Variants in ANO6 observed in about 807,000 individuals in gnomAD.
ANO6 encodes the protein anoctamin-6.
ANO6 carries 106 observed loss-of-function variants against 117.5 expected under a neutral mutation model. That is an observed-to-expected ratio of 0.90 (90% CI 0.77 to 1.06). The LOEUF is 1.06. Among genes scored for constraint, ANO6 ranks in the 50% least tolerant of loss-of-function variants. ANO6 has a pLI of 0.00. For missense variants in ANO6, 955 were observed against 1,121.1 expected, an observed-to-expected ratio of 0.85 and a Z score of 2.12; for synonymous variants, 367 against 385.1, an observed-to-expected ratio of 0.95 and a Z score of 0.55.
intron 2 of ANO6, among the ~76,000 whole-genome samples, chr12:45,329,286 A>G (rs1426579684): frequency 6.6e-6 from 1 of 152,144 alleles, no homozygotes; most frequent in Non-Finnish European, 1.5e-5. Flanking sequence ...ATGTGGTAGA[A>G]TGTCTTCTGC....
intron 10 of ANO6, among the ~76,000 whole-genome samples, chr12:45,382,713 T>A (rs1942198700): frequency 6.6e-6 from 1 of 152,210 alleles, no homozygotes; most frequent in Non-Finnish European, 1.5e-5. Flanking sequence ...ATATAAAAGT[T>A]ATGGTTATAC....
intron 3 of ANO6, among the ~76,000 whole-genome samples, chr12:45,339,389 T>G (rs1261682625): frequency 1.3e-5 from 2 of 152,166 alleles, no homozygotes; most frequent in Non-Finnish European, 2.9e-5. Context: ...TATTGTACAC[T>G]TAATTAATAG....
intron 1 of ANO6, among the ~76,000 whole-genome samples, chr12:45,258,136 C>G (rs1242849751): frequency 6.6e-6 from 1 of 152,160 alleles, no homozygotes; most frequent in Non-Finnish European, 1.5e-5. Context: ...GTGTTGGACA[C>G]CCTTCCCCCA....
intron 3 of ANO6, among the ~76,000 whole-genome samples, chr12:45,341,504 G>A (rs1329819171): frequency 6.6e-6 from 1 of 152,194 alleles, no homozygotes; most frequent in Non-Finnish European, 1.5e-5. Context: ...ATTCATATGT[G>A]CTATACATTC....
chr12:45,217,603 A>G (rs1292742761), intron 1 of ANO6, among the ~76,000 whole-genome samples: 1 of 152,260 alleles, frequency 6.6e-6, no homozygotes, highest in Non-Finnish European at 1.5e-5. Context: ...AGCAAATAGT[A>G]GTAGTTTTTA....
intron 1 of ANO6, among the ~76,000 whole-genome samples, chr12:45,283,413 C>T (rs1432793268): frequency 2.0e-5 from 3 of 152,190 alleles, no homozygotes. Context: ...TATGCCACCT[C>T]TCCCATGAGG....
At chr12:45,427,936 CAAAAAAAAAA>C (rs35996135) in intron 19 of ANO6, among the ~76,000 whole-genome samples, 2 of 62,968 alleles carry the variant, frequency 3.2e-5, no homozygotes, top group South Asian at 5.8e-4. Context: ...GACTCTGCCT[CAAAAAAAAAA>C]AAAAAAAAAA....
intron 2 of ANO6, among the ~76,000 whole-genome samples, chr12:45,317,114 T>TGTGTGTGTATATAC (rs1427996611): frequency 1.4e-4 from 2 of 14,428 alleles, no homozygotes; most frequent in Non-Finnish European, 3.0e-4. Context: ...TTTTTATATG[T>TGTGTGTGTATATAC]ATATATATAT....
At chr12:45,229,013 T>C (rs183602590) in intron 1 of ANO6, among the ~76,000 whole-genome samples, 1 of 152,152 alleles carries the variant, frequency 6.6e-6, no homozygotes, top group Non-Finnish European at 1.5e-5. Flanking sequence ...GACTAGGCCA[T>C]GTACTGGAGC....
At chr12:45,322,759 A>T (rs1241891160) in intron 2 of ANO6, among the ~76,000 whole-genome samples, 1 of 152,128 alleles carries the variant, frequency 6.6e-6, no homozygotes, top group East Asian at 1.9e-4. Context: ...AAAGATGAAA[A>T]AGTCAAAGGT....
intron 10 of ANO6, among the ~76,000 whole-genome samples, chr12:45,384,856 ACAAT>A (rs1446027560): frequency 2.0e-5 from 3 of 152,098 alleles, no homozygotes; most frequent in Non-Finnish European, 1.5e-5. Flanking sequence ...GTTGCCACAA[ACAAT>A]CAATTTGTAA....
intron 12 of ANO6, among the ~76,000 whole-genome samples, chr12:45,394,117 C>T (rs7294399): frequency 0.049 from 7,378 of 152,074 alleles, 331 homozygotes; most frequent in African/African-American, 0.11. Flanking sequence ...TGTGCAAAGA[C>T]ACATATAGGC....
chr12:45,273,142 G>A (rs1050641599), intron 1 of ANO6, among the ~76,000 whole-genome samples: 29 of 152,094 alleles, frequency 1.9e-4, no homozygotes, highest in Non-Finnish European at 4.0e-4. Context: ...TTGCCGGGGG[G>A]CTGGGGGAAA....
intron 9 of ANO6, among the ~76,000 whole-genome samples, chr12:45,371,511 T>C (rs1281314337): frequency 2.0e-5 from 3 of 151,120 alleles, no homozygotes; most frequent in Admixed American, 1.3e-4. Flanking sequence ...CAGCTGGAGA[T>C]CTGAGAACAG....
intron 1 of ANO6, among the ~76,000 whole-genome samples, chr12:45,235,807 G>T (rs571679595): frequency 6.6e-6 from 1 of 152,244 alleles, no homozygotes; most frequent in South Asian, 2.1e-4. Flanking sequence ...TCACACTGAC[G>T]GCATTCCTGA....
chr12:45,273,973 G>A (rs1262928617), intron 1 of ANO6, among the ~76,000 whole-genome samples: 2 of 152,158 alleles, frequency 1.3e-5, no homozygotes, highest in African/African-American at 4.8e-5. Context: ...TCAGCAGCAC[G>A]GGGCACAACT....
chr12:45,402,801 T>G (rs1004792086), intron 13 of ANO6, among the ~76,000 whole-genome samples: 3 of 152,220 alleles, frequency 2.0e-5, no homozygotes, highest in Non-Finnish European at 4.4e-5. Context: ...ACTGGACTTG[T>G]AAATTTTAAG....
Position 45,403,473 on chromosome 12 carries a change from C to G in ANO6, c.1817C>G (p.Thr606Ser), listed in dbSNP as rs781353366. Residue 606 changes from threonine to serine, a missense_variant, in exon 15 of 20, where the codon ACT becomes AGT. Thr to Ser is a moderately conservative substitution (Grantham distance 58). Coordinates refer to ENST00000320560, the MANE Select transcript of ANO6 (RefSeq NM_001025356.3). The part of the protein sequence containing the change: ...DPGGCLLELT[T>S]QLTIIMGGKA... Reference sequence around the variant, plus strand: ...GGTGGCTGTCTTCTTGAACTGACAACTCAGCTGACAATAATCATGGGAGGA... The same window carrying G: ...GGTGGCTGTCTTCTTGAACTGACAAGTCAGCTGACAATAATCATGGGAGGA... The G allele has an allele frequency of 6.2e-7, 1 of 1,613,938 alleles. No individual in the cohort carries two copies. The highest frequency in any genetic ancestry group is 8.5e-7 in the Non-Finnish European group (1 of 1,179,846).
chr12:45,306,283 G>A (rs147173775), intron 2 of ANO6, among the ~76,000 whole-genome samples: 20 of 152,246 alleles, frequency 1.3e-4, no homozygotes, highest in African/African-American at 4.8e-4. Flanking sequence ...CATGCCAACC[G>A]AGGATGTTTT....
Sources: gnomAD v4.1 joint callset for allele counts (sites outside exome capture counted in the v4.1 genomes callset) on GRCh38, gnomAD v4.1.1 for gene constraint, MANE v1.5 for transcripts, NCBI Gene and HGNC (gene_info 2026-07-23, HGNC 2026-07-21) for gene names.